BTBD9: variants seen among roughly 807,000 people sequenced by gnomAD.
The protein encoded by BTBD9 is BTB/POZ domain-containing protein 9.
A neutral mutation model predicts 64.3 loss-of-function variants in BTBD9; 49 were observed. That is an observed-to-expected ratio of 0.76 (90% CI 0.61 to 0.97). The LOEUF (loss-of-function observed/expected upper bound fraction) is 0.97. BTBD9 is among the 50% of genes least tolerant of loss of function. BTBD9 has a pLI of 0.00. For missense variants in BTBD9, 598 were observed against 762.1 expected (o/e 0.78, Z 2.53); for synonymous variants, 260 against 274.7 (o/e 0.95, Z 0.53).
chr6:38,621,905 C>T (rs1013182692), intron 1 of BTBD9, among the ~76,000 whole-genome samples: 3 of 152,178 alleles, frequency 2.0e-5, no homozygotes, highest in Admixed American at 6.5e-5. Flanking sequence ...TATGGAACAA[C>T]CCTGTCCAAG....
chr6:38,374,300 T>TAC (rs1348347204), intron 6 of BTBD9, among the ~76,000 whole-genome samples: 3 of 86,546 alleles, frequency 3.5e-5, no homozygotes, highest in African/African-American at 7.4e-5. Context: ...TATATATGTA[T>TAC]ATATATGTAT....
chr6:38,554,171 TAGAG>T (rs1424991849), intron 6 of BTBD9, among the ~76,000 whole-genome samples: 1 of 152,168 alleles, frequency 6.6e-6, no homozygotes, highest in Non-Finnish European at 1.5e-5. Context: ...TGCCATAAAA[TAGAG>T]AAGAAGGAGT....
intron 6 of BTBD9, among the ~76,000 whole-genome samples, chr6:38,488,459 T>C (rs1029484948): frequency 2.0e-5 from 3 of 152,194 alleles, no homozygotes; most frequent in Admixed American, 1.3e-4. Flanking sequence ...CAACGTTCTC[T>C]AGCTCCGTAA....
chr6:38,470,269 A>G (rs1013368069), intron 6 of BTBD9, among the ~76,000 whole-genome samples: 15 of 152,348 alleles, frequency 9.8e-5, no homozygotes, highest in Non-Finnish European at 1.8e-4. Flanking sequence ...CCAAGTGGAG[A>G]ACCTAGCCAT....
intron 6 of BTBD9, among the ~76,000 whole-genome samples, chr6:38,440,987 T>C (rs1324397366): frequency 1.3e-5 from 2 of 152,176 alleles, no homozygotes; most frequent in African/African-American, 2.4e-5. Context: ...CATTTTATCA[T>C]ATGCTTCCCA....
At chr6:38,466,720 C>G (rs561951806) in intron 6 of BTBD9, among the ~76,000 whole-genome samples, 1 of 151,924 alleles carries the variant, frequency 6.6e-6, no homozygotes, top group Non-Finnish European at 1.5e-5. Flanking sequence ...TGGGGTTACA[C>G]GTGCCCACCA....
At chr6:38,511,249 T>C (rs539785973) in intron 6 of BTBD9, among the ~76,000 whole-genome samples, 8 of 151,970 alleles carry the variant, frequency 5.3e-5, no homozygotes, top group Admixed American at 2.6e-4. Flanking sequence ...AAGACCTAGA[T>C]AAATGTTACC....
intron 7 of BTBD9, among the ~76,000 whole-genome samples, chr6:38,341,101 A>C (rs1486198613): frequency 6.6e-6 from 1 of 152,220 alleles, no homozygotes; most frequent in Non-Finnish European, 1.5e-5. Context: ...AGATAAATAG[A>C]AGAGAACATA....
At chr6:38,426,525 C>T (rs1383618300) in intron 6 of BTBD9, among the ~76,000 whole-genome samples, 1 of 151,920 alleles carries the variant, frequency 6.6e-6, no homozygotes, top group Non-Finnish European at 1.5e-5. Context: ...TGCTCGCCAT[C>T]CACCACTGCT....
At chr6:38,350,704 C>A (rs1243024335) in intron 6 of BTBD9, among the ~76,000 whole-genome samples, 1 of 152,110 alleles carries the variant, frequency 6.6e-6, no homozygotes, top group Non-Finnish European at 1.5e-5. Context: ...AAGAAGGGAA[C>A]CTTAACATTT....
rs758294888 is a variant in BTBD9 at position 38,594,088 on chromosome 6, A to G, written c.425T>C (p.Val142Ala). 1 of 1,614,084 alleles carries G rather than the reference A, an allele frequency of 6.2e-7. No individual in the cohort carries two copies. The highest frequency in any genetic ancestry group is 1.3e-5 in the African/African-American group (1 of 74,940). Residue 142 changes from valine to alanine, a missense_variant, in exon 3 of 11, where the codon GTC becomes GCC. Coordinates refer to ENST00000481247, the MANE Select transcript of BTBD9 (RefSeq NM_001099272.2). Reference protein sequence around the residue: ...YLCTILNIQNVCMTFDVASLY... With the variant: ...YLCTILNIQNACMTFDVASLY... The stretch of plus-strand genomic sequence containing the variant: ...ACTGGCAACATCAAAAGTCATGCAG[A>G]CATTCTGAATGTTAAGTATGGTGCA...
intron 1 of BTBD9, among the ~76,000 whole-genome samples, chr6:38,610,177 G>A (rs1303272108): frequency 6.6e-6 from 1 of 152,154 alleles, no homozygotes; most frequent in African/African-American, 2.4e-5. Context: ...TGTTGTAAAA[G>A]ACAAATGCCA....
chr6:38,241,176 C>A (rs1185328125), intron 9 of BTBD9, among the ~76,000 whole-genome samples: 1 of 152,214 alleles, frequency 6.6e-6, no homozygotes, highest in Non-Finnish European at 1.5e-5. Flanking sequence ...AATTCAGTAA[C>A]TCTCCAGAGA....
chr6:38,280,386 G>T (rs1582157800), intron 8 of BTBD9, among the ~76,000 whole-genome samples: 1 of 152,186 alleles, frequency 6.6e-6, no homozygotes, highest in African/African-American at 2.4e-5. Context: ...AATAAATCAT[G>T]GATCAGTGAG....
At chr6:38,520,668 C>T (rs1773234561) in intron 6 of BTBD9, among the ~76,000 whole-genome samples, 1 of 152,122 alleles carries the variant, frequency 6.6e-6, no homozygotes, top group African/African-American at 2.4e-5. Flanking sequence ...CATGGTGGCT[C>T]ATGCCTGTAA....
intron 6 of BTBD9, among the ~76,000 whole-genome samples, chr6:38,515,535 C>T (rs1772985716): frequency 6.6e-6 from 1 of 152,160 alleles, no homozygotes; most frequent in Non-Finnish European, 1.5e-5. Context: ...TGACATTGAA[C>T]AAAGAAGTGT....
intron 9 of BTBD9, among the ~76,000 whole-genome samples, chr6:38,236,059 C>T (rs757559081): frequency 6.6e-6 from 1 of 152,180 alleles, no homozygotes; most frequent in African/African-American, 2.4e-5. Context: ...GATCTCTTTA[C>T]AGCCAGAACT....
intron 6 of BTBD9, among the ~76,000 whole-genome samples, chr6:38,450,178 C>T (rs1048572849): frequency 6.6e-6 from 1 of 152,154 alleles, no homozygotes; most frequent in African/African-American, 2.4e-5. Context: ...ACAAATACTG[C>T]AGGATCTCAC....
intron 6 of BTBD9, among the ~76,000 whole-genome samples, chr6:38,349,966 C>A (rs1358304650): frequency 2.6e-5 from 4 of 152,178 alleles, no homozygotes; most frequent in Non-Finnish European, 5.9e-5. Context: ...AGCAAGGGAA[C>A]AATCTTTTGC....
Sources: allele counts gnomAD v4.1 joint callset (sites outside exome capture counted in the v4.1 genomes callset), GRCh38; gene constraint gnomAD v4.1.1; transcripts MANE v1.5; gene names NCBI Gene and HGNC (gene_info 2026-07-23, HGNC 2026-07-21).